STK32B: variants seen among roughly 807,000 people sequenced by gnomAD.
STK32B encodes serine/threonine-protein kinase 32B.
Under a neutral mutation model 52.6 loss-of-function variants are expected in STK32B, and 43 were observed. That is an observed-to-expected ratio of 0.82 (90% CI 0.64 to 1.05). The LOEUF is 1.05. STK32B is among the 50% of genes least tolerant of loss of function. The pLI, the probability that STK32B is intolerant of heterozygous loss-of-function variation, is 0.00. For synonymous variants in STK32B, 238 were observed against 204.3 expected, an observed-to-expected ratio of 1.17 and a Z score of -1.41; for missense variants, 621 against 534.6, an observed-to-expected ratio of 1.16 and a Z score of -1.59.
chr4:5,153,021 C>T (rs971363921), intron 2 of STK32B, among the ~76,000 whole-genome samples: 3 of 152,110 alleles, frequency 2.0e-5, no homozygotes, highest in African/African-American at 4.8e-5. Context: ...TGTTATTATC[C>T]CCGTTTTACA....
chr4:5,287,644 T>C (rs1031576995), intron 3 of STK32B, among the ~76,000 whole-genome samples: 50 of 152,066 alleles, frequency 3.3e-4, no homozygotes, highest in African/African-American at 1.2e-3. Context: ...ACCTTTTATG[T>C]ACATGTAAAT....
At chr4:5,448,293 C>T (rs1404378198) in intron 7 of STK32B, among the ~76,000 whole-genome samples, 9 of 152,180 alleles carry the variant, frequency 5.9e-5, no homozygotes, top group Non-Finnish European at 1.2e-4. Flanking sequence ...TGAGCTGCTG[C>T]GGGGCTGCAT....
At chr4:5,245,478 G>C (rs1577238286) in intron 3 of STK32B, among the ~76,000 whole-genome samples, 1 of 152,022 alleles carries the variant, frequency 6.6e-6, no homozygotes, top group Non-Finnish European at 1.5e-5. Flanking sequence ...GAGCACGTGA[G>C]ATGGGTTTCC....
At chr4:5,491,485 G>A (rs1356052523) in intron 11 of STK32B, among the ~76,000 whole-genome samples, 1 of 152,072 alleles carries the variant, frequency 6.6e-6, no homozygotes, top group East Asian at 1.9e-4. Flanking sequence ...TTAGCCCTTT[G>A]TCAGATGAGT....
chr4:5,066,039 T>G (rs1183021332), intron 1 of STK32B, among the ~76,000 whole-genome samples: 3 of 152,166 alleles, frequency 2.0e-5, no homozygotes, highest in Admixed American at 1.3e-4. Flanking sequence ...CAATAATTTT[T>G]TACCTTAATT....
At chr4:5,265,598 G>A (rs1727007404) in intron 3 of STK32B, among the ~76,000 whole-genome samples, 1 of 152,110 alleles carries the variant, frequency 6.6e-6, no homozygotes, top group Admixed American at 6.6e-5. Flanking sequence ...ACCAAGAACA[G>A]CAAGATGTTT....
intron 6 of STK32B, chr4:5,436,782 A>C: frequency 1.6e-6 from 1 of 636,098 alleles, no homozygotes; most frequent in Non-Finnish European, 2.0e-6. Flanking sequence ...CCTCAGGGGT[A>C]CTACTGGGTG....
At chr4:5,391,382 G>T (rs1293294043) in intron 4 of STK32B, among the ~76,000 whole-genome samples, 1 of 152,094 alleles carries the variant, frequency 6.6e-6, no homozygotes, top group Admixed American at 6.6e-5. Flanking sequence ...CAGTTTTCTG[G>T]CAAAGACGCT....
intron 3 of STK32B, among the ~76,000 whole-genome samples, chr4:5,274,183 A>G (rs533902850): frequency 6.6e-6 from 1 of 152,192 alleles, no homozygotes; most frequent in African/African-American, 2.4e-5. Context: ...AGCTAAAACA[A>G]CTTTAAAAAG....
intron 4 of STK32B, among the ~76,000 whole-genome samples, chr4:5,389,337 C>T (rs1308873041): frequency 6.6e-6 from 1 of 152,178 alleles, no homozygotes; most frequent in Non-Finnish European, 1.5e-5. Context: ...GGCTGGGCAG[C>T]TTAAACAACA....
At chr4:5,146,713 T>C (rs959225979) in intron 2 of STK32B, among the ~76,000 whole-genome samples, 8 of 152,154 alleles carry the variant, frequency 5.3e-5, no homozygotes, top group African/African-American at 1.9e-4. Flanking sequence ...TGCTTTGGGG[T>C]TCATATGAAA....
intron 3 of STK32B, among the ~76,000 whole-genome samples, chr4:5,295,230 G>A (rs1391718842): frequency 1.4e-5 from 2 of 145,528 alleles, no homozygotes; most frequent in African/African-American, 5.6e-5. Flanking sequence ...TTGGGTTGAA[G>A]TTTTCTTATT....
intron 1 of STK32B, among the ~76,000 whole-genome samples, chr4:5,096,955 A>G (rs1713437262): frequency 6.6e-6 from 1 of 152,210 alleles, no homozygotes. Context: ...TGTCCCTAGG[A>G]GGTAAGACTA....
At chr4:5,437,157 C>T (rs1714155752) in intron 6 of STK32B, among the ~76,000 whole-genome samples, 4 of 152,242 alleles carry the variant, frequency 2.6e-5, no homozygotes, top group Non-Finnish European at 5.9e-5. Context: ...CCAAGAGGTG[C>T]TAATCCCAGC....
intron 7 of STK32B, among the ~76,000 whole-genome samples, chr4:5,451,109 C>G (rs1407843422): frequency 1.3e-5 from 2 of 152,152 alleles, no homozygotes; most frequent in African/African-American, 4.8e-5. Flanking sequence ...AGGGCATAGG[C>G]GGTGTCTGGC....
chr4:5,190,307 T>A (rs942824201), intron 3 of STK32B, among the ~76,000 whole-genome samples: 1 of 152,186 alleles, frequency 6.6e-6, no homozygotes, highest in African/African-American at 2.4e-5. Context: ...TATCTGACAC[T>A]CTGCCAAAAT....
intron 3 of STK32B, among the ~76,000 whole-genome samples, chr4:5,254,092 T>C (rs897583182): frequency 2.0e-5 from 3 of 151,372 alleles, no homozygotes; most frequent in Non-Finnish European, 4.4e-5. Context: ...GCTGAATCTT[T>C]TTTTGTAGAT....
rs80067401 is a variant in STK32B, at chr4:5,396,714, G to A, written c.435-1493G>A. Among the ~76,000 whole-genome samples the A allele has an allele frequency of 3.7e-3, 570 of 152,276 alleles. 8 individuals are homozygous for A. The highest frequency in any genetic ancestry group is 0.013 in the African/African-American group (539 of 41,552). The stretch of plus-strand genomic sequence containing the variant: ...CGGTGATACCTTAAGAGATAAGCTT[G>A]AACATTTGCTGCTGTGTTTTCATTC... On this transcript the variant is annotated intron_variant, in intron 4 of 11. Coordinates refer to ENST00000282908, the MANE Select transcript of STK32B (RefSeq NM_018401.3). This position sits in a 1 kb window ranked among gnomAD's most constrained non-coding sequence, Gnocchi z 4.7.
chr4:5,484,974 G>C (rs1719027749), intron 11 of STK32B, among the ~76,000 whole-genome samples: 1 of 152,144 alleles, frequency 6.6e-6, no homozygotes, highest in Non-Finnish European at 1.5e-5. Flanking sequence ...AGTCTGATGG[G>C]CTTCCCTTTG....
Sources: allele counts gnomAD v4.1 joint callset (sites outside exome capture counted in the v4.1 genomes callset), GRCh38; gene constraint gnomAD v4.1.1; non-coding constraint Gnocchi (gnomAD v3.1); transcripts MANE v1.5; gene names NCBI Gene and HGNC (gene_info 2026-07-23, HGNC 2026-07-21).